Variants in USP31 observed in about 807,000 individuals in gnomAD.
USP31 encodes ubiquitin carboxyl-terminal hydrolase 31.
In USP31, 44 loss-of-function variants were observed where a neutral mutation model predicts 119.4. That is an observed-to-expected ratio of 0.37 (90% CI 0.29 to 0.47). The LOEUF (loss-of-function observed/expected upper bound fraction) is 0.47. USP31 is among the 20% of genes least tolerant of loss of function. The pLI, the probability that USP31 is intolerant of heterozygous loss-of-function variation, is 0.99. For synonymous variants in USP31, 749 were observed against 705.6 expected, an observed-to-expected ratio of 1.06 and a Z score of -0.97; for missense variants, 1,643 against 1,730.2, an observed-to-expected ratio of 0.95 and a Z score of 0.89.
intron 6 of USP31, among the ~76,000 whole-genome samples, chr16:23,101,472 G>A (rs1901854522): frequency 6.6e-6 from 1 of 152,184 alleles, no homozygotes; most frequent in Non-Finnish European, 1.5e-5. Context: ...GTGGAGGCTA[G>A]TGGGGGAATT....
At chr16:23,143,593 G>C (rs913515692) in intron 1 of USP31, among the ~76,000 whole-genome samples, 18 of 150,840 alleles carry the variant, frequency 1.2e-4, no homozygotes, top group East Asian at 3.9e-4. Context: ...GTTGGGGGGG[G>C]GGAGAGAGAG....
Position 23,072,028 on chromosome 16 carries a change from C to T in USP31, c.2488+17G>A, listed in dbSNP as rs1900367344. 6.9e-6 allele frequency: 11 copies of T among 1,601,300 alleles called. No homozygotes were observed. Among genetic ancestry groups the T allele is most frequent in the Non-Finnish European group, 9.4e-6 (11 of 1,172,454 alleles). ...GAGTTACCATTCTGGAAATTTGTCACCAAAACCCACACCCACCATCATCTT... is the reference window on the plus strand; with the variant it reads ...GAGTTACCATTCTGGAAATTTGTCATCAAAACCCACACCCACCATCATCTT... On this transcript the variant is annotated intron_variant, in intron 15 of 15. Transcript: ENST00000219689.
intron 13 of USP31, among the ~76,000 whole-genome samples, chr16:23,075,563 A>G (rs1900532349): frequency 6.6e-6 from 1 of 152,202 alleles, no homozygotes; most frequent in South Asian, 2.1e-4. Context: ...ACCAAAAAGG[A>G]GAAAAGCATT....
At chr16:23,109,149 A>G (rs900239753) in intron 1 of USP31, among the ~76,000 whole-genome samples, 1 of 152,228 alleles carries the variant, frequency 6.6e-6, no homozygotes, top group African/African-American at 2.4e-5. Flanking sequence ...AATTACAGAT[A>G]TTTATATAAA....
intron 1 of USP31, among the ~76,000 whole-genome samples, chr16:23,127,209 C>T (rs1420414818): frequency 6.6e-6 from 1 of 152,064 alleles, no homozygotes; most frequent in Non-Finnish European, 1.5e-5. Flanking sequence ...AGGATGATTG[C>T]TTGAGCCCAG....
chr16:23,094,917 C>A (rs576586553), intron 6 of USP31, among the ~76,000 whole-genome samples: 6 of 152,290 alleles, frequency 3.9e-5, no homozygotes, highest in Admixed American at 6.5e-5. Context: ...AGCAGAAAGG[C>A]TGAAAATTCT....
chr16:23,061,651 TTTC>T lies in USP31; in HGVS notation c.*6392_*6394del, dbSNP rs1467723613. On this transcript the variant is annotated 3_prime_UTR_variant, in exon 16 of 16. Transcript: ENST00000219689. ...ATAAATTTAAAATGTACGATACACTTTTCTTCCAGCCTCTAGGAAAGACATCCT... is the reference window on the plus strand; with the variant it reads ...ATAAATTTAAAATGTACGATACACTTTTCCAGCCTCTAGGAAAGACATCCT... 3.3e-5 allele frequency: 5 copies of T among 152,648 alleles called. No homozygotes were observed. The highest frequency in any genetic ancestry group is 7.3e-5 in the Non-Finnish European group (5 of 68,054). The allele number at this position is 152,648 out of a possible 1,614,324, so 9.5% of individuals were successfully genotyped here.
At chr16:23,131,042 G>A (rs957028534) in intron 1 of USP31, among the ~76,000 whole-genome samples, 1 of 152,182 alleles carries the variant, frequency 6.6e-6, no homozygotes, top group African/African-American at 2.4e-5. Context: ...GGGCGCTGTG[G>A]CTCACACTTG....
At position 23,067,258 on chromosome 16, in the gene USP31, G is replaced by A. The variant is rs1177710104; in HGVS notation, c.*788C>T. On this transcript the variant is annotated 3_prime_UTR_variant, in exon 16 of 16. Transcript: ENST00000219689. ...AAATTAAACGAGTGACTGGCTTTCT[G>A]GCTATCCAATCTGCCACTTCCTAGG... 6.5e-6 allele frequency: 1 copy of A among 152,672 alleles called. No individual in the cohort carries two copies. The highest frequency in any genetic ancestry group is 1.9e-4 in the East Asian group (1 of 5,198). 9.5% of individuals were successfully genotyped at this position (152,672 alleles called of 1,614,324 possible). A position where few individuals can be genotyped will look rare whatever the true frequency, so the allele number is the denominator to read the frequency against.
intron 1 of USP31, among the ~76,000 whole-genome samples, chr16:23,128,210 G>A (rs1405841713): frequency 6.6e-6 from 1 of 152,058 alleles, no homozygotes; most frequent in Non-Finnish European, 1.5e-5. Context: ...TCTCAGTACC[G>A]CTGTACCAAA....
chr16:23,101,864 TTTGC>T (rs1478835197), intron 6 of USP31, among the ~76,000 whole-genome samples: 2 of 151,816 alleles, frequency 1.3e-5, no homozygotes, highest in Non-Finnish European at 2.9e-5. Context: ...TTTACTTCAT[TTTGC>T]TGCCTATCAA....
rs779096109 is a variant in USP31, at chr16:23,080,030, G to C, written c.2092C>G (p.Leu698Val). 6.2e-7 allele frequency: 1 copy of C among 1,614,068 alleles called. No homozygotes were observed. Among genetic ancestry groups the C allele is most frequent in the South Asian group, 1.1e-5 (1 of 91,064 alleles). The change falls in exon 13 of 16, where the codon CTC becomes GTC. Residue 698 changes from leucine to valine, a missense_variant. This residue lies in a region of USP31 where 279 missense variants were observed against 372.2 expected (regional missense o/e 0.75). Transcript: ENST00000219689. ...HWSPWRRPYG[L>V]GRDPEDYIYD... ...ATGTAGTCCTCAGGGTCCCTCCCGA[G>C]TCCATAGGGCCGTCTCCACGGGGAC...
At chr16:23,070,662 C>T (rs1482722224) in intron 15 of USP31, among the ~76,000 whole-genome samples, 2 of 151,492 alleles carry the variant, frequency 1.3e-5, no homozygotes, top group Non-Finnish European at 2.9e-5. Context: ...TGCAGTGAGC[C>T]GAGATCGCGC....
At chr16:23,087,657 T>C (rs185539045) in intron 8 of USP31, 67 bp downstream of exon 8, 3 of 1,393,786 alleles carry the variant, frequency 2.2e-6, no homozygotes, top group Admixed American at 1.9e-5. Context: ...TCAAATTTCA[T>C]TGTAATGTTT....
At chr16:23,114,487 C>T (rs1902430025) in intron 1 of USP31, among the ~76,000 whole-genome samples, 1 of 150,210 alleles carries the variant, frequency 6.7e-6, no homozygotes, top group Non-Finnish European at 1.5e-5. Context: ...TCAACATAGA[C>T]ATTCCAAACA....
chr16:23,061,714 C>T lies in USP31; in HGVS notation c.*6332G>A, dbSNP rs1899838440. Reference sequence around the variant, plus strand: ...ATTACTGTACAACTGAAAATGAAAACGACACAGAAATCACTATCCACGGTG... The same window carrying T: ...ATTACTGTACAACTGAAAATGAAAATGACACAGAAATCACTATCCACGGTG... On this transcript the variant is annotated 3_prime_UTR_variant, in exon 16 of 16. Coordinates refer to ENST00000219689, the MANE Select transcript of USP31 (RefSeq NM_020718.4). 2.0e-5 allele frequency: 3 copies of T among 152,434 alleles called. No individual in the cohort carries two copies. Among genetic ancestry groups the T allele is most frequent in the Admixed American group, 6.5e-5 (1 of 15,278 alleles). The allele number at this position is 152,434 out of a possible 1,614,324, so 9.4% of individuals were successfully genotyped here. A position where few individuals can be genotyped will look rare whatever the true frequency, so the allele number is the denominator to read the frequency against.
chr16:23,076,011 G>A (rs1030922429), intron 13 of USP31, among the ~76,000 whole-genome samples: 9 of 152,224 alleles, frequency 5.9e-5, no homozygotes, highest in African/African-American at 1.7e-4. Context: ...TCTTGAGCCC[G>A]GGAGGCTGGG....
chr16:23,073,814 G>C lies in USP31; in HGVS notation c.2243C>G (p.Ser748Ter). Residue 748 changes from serine (S) to a stop codon, truncating the protein, a stop_gained, in exon 14 of 16, where the codon TCA (serine) becomes TGA (stop). Transcript: ENST00000219689. LOFTEE classifies it high-confidence loss of function. ...TGTCTGCGTGCAGACCTCATCTTCT[G>C]ACAGCTGCTGCACATCGCTGTCATC... ...CFDDSDVQQLSEDEVCTQTAY... is the reference protein window; with the variant it reads ...CFDDSDVQQL The C allele has an allele frequency of 6.2e-7, 1 of 1,614,118 alleles. No homozygotes were observed. The highest frequency in any genetic ancestry group is 8.5e-7 in the Non-Finnish European group (1 of 1,180,032).
chr16:23,063,238 GA>G lies in USP31; in HGVS notation c.*4807del, dbSNP rs1244683080. On this transcript the variant is annotated 3_prime_UTR_variant, in exon 16 of 16. Coordinates refer to ENST00000219689, the MANE Select transcript of USP31 (RefSeq NM_020718.4). ...GTGCACCCCTTCTCCCAAAAATTGG[GA>G]AACACTAAACAAATGTAAGATGGAT... 6.6e-6 allele frequency: 1 copy of G among 152,154 alleles called. No individual in the cohort carries two copies. Among genetic ancestry groups the G allele is most frequent in the Non-Finnish European group, 1.5e-5 (1 of 68,028 alleles). The allele number at this position is 152,154 out of a possible 1,614,324, so 9.4% of individuals were successfully genotyped here. A position where few individuals can be genotyped will look rare whatever the true frequency, so the allele number is the denominator to read the frequency against.
Sources: allele counts gnomAD v4.1 joint callset (sites outside exome capture counted in the v4.1 genomes callset), GRCh38; gene constraint gnomAD v4.1.1; regional missense constraint gnomAD v4.1.1; transcripts MANE v1.5; gene names NCBI Gene and HGNC (gene_info 2026-07-23, HGNC 2026-07-21).